The following CAMKMT variants were observed in gnomAD, a reference collection of about 807,000 sequenced individuals.
CAMKMT encodes the protein CaM KMT.
In CAMKMT, 53 loss-of-function variants were observed where a neutral mutation model predicts 48.0. The observed-to-expected ratio is 1.10, with a 90% CI of 0.89 to 1.39. CAMKMT has a LOEUF of 1.39. Among genes scored for constraint, CAMKMT ranks in the 40% most tolerant of loss-of-function variants. CAMKMT has a pLI of 0.00. For missense variants in CAMKMT, 428 were observed against 402.7 expected (o/e 1.06, Z -0.54); for synonymous variants, 165 against 152.3 (o/e 1.08, Z -0.61).
chr2:44,510,024 C>G (rs139431394), intron 3 of CAMKMT, among the ~76,000 whole-genome samples: 1 of 152,256 alleles, frequency 6.6e-6, no homozygotes, highest in Non-Finnish European at 1.5e-5. Flanking sequence ...AATACTTTTC[C>G]CCTGGCTTCC....
At chr2:44,537,720 C>T (rs539286385) in intron 3 of CAMKMT, among the ~76,000 whole-genome samples, 4 of 152,288 alleles carry the variant, frequency 2.6e-5, no homozygotes, top group African/African-American at 4.8e-5. Flanking sequence ...TGTGCCAACA[C>T]GGTCAGCTAA....
intron 3 of CAMKMT, among the ~76,000 whole-genome samples, chr2:44,485,492 G>A (rs1451339438): frequency 2.0e-5 from 3 of 152,118 alleles, no homozygotes; most frequent in Non-Finnish European, 4.4e-5. Context: ...GATACGTTCT[G>A]AGAAATGTGT....
chr2:44,504,229 A>G lies in CAMKMT; in HGVS notation c.376+113924A>G, dbSNP rs138005023. 3.6e-3 allele frequency among the ~76,000 whole-genome samples: 549 copies of G among 152,288 alleles called. 2 individuals carry two copies. The highest frequency in any genetic ancestry group is 0.013 in the African/African-American group (529 of 41,564). ...CCCAGAACTCATCTGTGTTATGGTG[A>G]GTCCCACCCTTGCCTTAATTCCCTA... is the stretch of plus-strand genomic sequence containing the variant. On this transcript the variant is annotated intron_variant, in intron 3 of 10. Coordinates refer to ENST00000378494, the MANE Select transcript of CAMKMT (RefSeq NM_024766.5).
chr2:44,409,781 A>G (rs958431266), intron 3 of CAMKMT, among the ~76,000 whole-genome samples: 1 of 152,150 alleles, frequency 6.6e-6, no homozygotes, highest in Non-Finnish European at 1.5e-5. Context: ...TGTTTTTTTA[A>G]TTGTCAAAAT....
intron 8 of CAMKMT, among the ~76,000 whole-genome samples, chr2:44,751,661 C>T (rs897316082): frequency 4.6e-5 from 7 of 152,162 alleles, no homozygotes; most frequent in African/African-American, 9.7e-5. Context: ...CTGTAACCTC[C>T]GTAAGGACAG....
chr2:44,521,534 C>A (rs1176000954), intron 3 of CAMKMT, among the ~76,000 whole-genome samples: 2 of 152,208 alleles, frequency 1.3e-5, no homozygotes, highest in Middle Eastern at 3.2e-3. Flanking sequence ...CCGCCTTGGC[C>A]TCCCAAAGTG....
chr2:44,702,221 T>A (rs1455540092), intron 3 of CAMKMT, among the ~76,000 whole-genome samples: 2 of 152,168 alleles, frequency 1.3e-5, no homozygotes, highest in African/African-American at 4.8e-5. Flanking sequence ...ATGCTCTTCC[T>A]TCAGAGACTT....
intron 3 of CAMKMT, among the ~76,000 whole-genome samples, chr2:44,406,635 T>G (rs1355682499): frequency 6.6e-6 from 1 of 152,204 alleles, no homozygotes; most frequent in Non-Finnish European, 1.5e-5. Flanking sequence ...CTCACTCTGT[T>G]GCCCAGGCTG....
intron 1 of CAMKMT, among the ~76,000 whole-genome samples, chr2:44,366,604 A>G (rs1558539731): frequency 6.6e-6 from 1 of 152,138 alleles, no homozygotes; most frequent in East Asian, 1.9e-4. Context: ...TCTTCACTTA[A>G]TGGGAGTGAT....
chr2:44,766,386 C>T, intron 9 of CAMKMT, 44 bp from the exon 10 acceptor site: 2 of 1,610,866 alleles, frequency 1.2e-6, no homozygotes, highest in Non-Finnish European at 8.5e-7. Flanking sequence ...TGTTTGGTTA[C>T]CTTCCAGTTT....
intron 3 of CAMKMT, among the ~76,000 whole-genome samples, chr2:44,570,557 A>G (rs1668851891): frequency 6.6e-6 from 1 of 152,202 alleles, no homozygotes; most frequent in African/African-American, 2.4e-5. Flanking sequence ...CTGTGCCGTC[A>G]GAGCTAAATT....
At chr2:44,679,753 T>C (rs927563147) in intron 3 of CAMKMT, among the ~76,000 whole-genome samples, 7 of 152,244 alleles carry the variant, frequency 4.6e-5, no homozygotes. Context: ...ATACCTCTGC[T>C]CTATTATCAG....
chr2:44,696,202 C>T (rs1676941848), intron 3 of CAMKMT, among the ~76,000 whole-genome samples: 1 of 152,180 alleles, frequency 6.6e-6, no homozygotes, highest in Non-Finnish European at 1.5e-5. Context: ...CTCAGCCTCC[C>T]AAAGTGCTGG....
intron 3 of CAMKMT, among the ~76,000 whole-genome samples, chr2:44,671,229 C>A (rs114233007): frequency 6.6e-6 from 1 of 152,252 alleles, no homozygotes; most frequent in Admixed American, 6.5e-5. Context: ...AATCCTACCC[C>A]CTTTTTTCCT....
intron 10 of CAMKMT, among the ~76,000 whole-genome samples, chr2:44,768,690 G>A (rs987522757): frequency 1.3e-5 from 2 of 152,180 alleles, no homozygotes; most frequent in Non-Finnish European, 2.9e-5. Context: ...TCCGGGACGC[G>A]GCCGCCGGGA....
At chr2:44,458,844 A>G (rs1341644707) in intron 3 of CAMKMT, among the ~76,000 whole-genome samples, 1 of 152,220 alleles carries the variant, frequency 6.6e-6, no homozygotes, top group Non-Finnish European at 1.5e-5. Context: ...TTCTAGTTGC[A>G]GTAATACGAG....
chr2:44,690,905 G>A (rs1245157749), intron 3 of CAMKMT, among the ~76,000 whole-genome samples: 1 of 152,046 alleles, frequency 6.6e-6, no homozygotes, highest in Non-Finnish European at 1.5e-5. Flanking sequence ...GAACCCAGAA[G>A]GCAGAGGTTG....
intron 3 of CAMKMT, among the ~76,000 whole-genome samples, chr2:44,491,562 C>A (rs965370443): frequency 6.6e-6 from 1 of 152,140 alleles, no homozygotes; most frequent in Non-Finnish European, 1.5e-5. Flanking sequence ...ACTCTTTGTA[C>A]AAAGGCAATT....
At chr2:44,528,110 G>A (rs1480196863) in intron 3 of CAMKMT, among the ~76,000 whole-genome samples, 1 of 152,126 alleles carries the variant, frequency 6.6e-6, no homozygotes, top group African/African-American at 2.4e-5. Flanking sequence ...GAAGGATGTA[G>A]TCAAAATTCC....
Sources: allele counts gnomAD v4.1 joint callset (sites outside exome capture counted in the v4.1 genomes callset), GRCh38; gene constraint gnomAD v4.1.1; transcripts MANE v1.5; gene names NCBI Gene and HGNC (gene_info 2026-07-23, HGNC 2026-07-21).